The following PCDHA12 variants were observed in gnomAD, a reference collection of about 807,000 sequenced individuals.
PCDHA12 encodes protocadherin alpha-12.
Under a neutral mutation model 60.0 loss-of-function variants are expected in PCDHA12, and 44 were observed. That is an observed-to-expected ratio of 0.73 (90% CI 0.58 to 0.94). PCDHA12 has a LOEUF of 0.94. PCDHA12 is among the 40% of genes least tolerant of loss of function. The pLI is 0.00. For missense variants in PCDHA12, 1,276 were observed against 1,239.7 expected, an observed-to-expected ratio of 1.03 and a Z score of -0.44; for synonymous variants, 569 against 553.0, an observed-to-expected ratio of 1.03 and a Z score of -0.40.
intron 3 of PCDHA12, among the ~76,000 whole-genome samples, chr5:141,000,278 G>A (rs574420053): frequency 6.6e-6 from 1 of 151,194 alleles, no homozygotes; most frequent in South Asian, 2.1e-4. Flanking sequence ...GGGAGGCAGA[G>A]GTGGGAATAT....
chr5:140,928,149 T>G (rs782254175), intron 1 of PCDHA12: 3 of 1,614,194 alleles, frequency 1.9e-6, no homozygotes, highest in Non-Finnish European at 2.5e-6. Context: ...CGGCCTCAGA[T>G]AGTGGCTCAC....
intron 1 of PCDHA12, among the ~76,000 whole-genome samples, chr5:140,898,001 C>G (rs2066457062): frequency 6.6e-6 from 1 of 152,116 alleles, no homozygotes; most frequent in Non-Finnish European, 1.5e-5. Flanking sequence ...TGAGAAGTGT[C>G]TGTTCATATC....
chr5:140,977,266 A>G (rs2096753154), intron 1 of PCDHA12, among the ~76,000 whole-genome samples: 3 of 152,240 alleles, frequency 2.0e-5, no homozygotes, highest in Admixed American at 1.3e-4. Context: ...CAGATGTTAC[A>G]GTCTTTCTCA....
intron 3 of PCDHA12, among the ~76,000 whole-genome samples, chr5:140,985,402 C>T (rs1554247027): frequency 6.6e-6 from 1 of 152,118 alleles, no homozygotes; most frequent in African/African-American, 2.4e-5. Context: ...CAACTGTTCC[C>T]CTGGAAATGG....
Position 140,936,735 on chromosome 5 carries a change from A to G in PCDHA12, c.2368-42214A>G, listed in dbSNP as rs75635765. 5.4e-3 allele frequency among the ~76,000 whole-genome samples: 829 copies of G among 152,226 alleles called. 3 individuals carry two copies. The highest frequency in any genetic ancestry group is 0.019 in the African/African-American group (798 of 41,528). ...AATACATTCTGTGTTAAATATAGTA[A>G]CTTTTCATTTGTATTGATATCTAAT... On this transcript the variant is annotated intron_variant, in intron 1 of 3. Coordinates refer to ENST00000398631, the MANE Select transcript of PCDHA12 (RefSeq NM_018903.4).
intron 1 of PCDHA12, chr5:140,929,631 A>G (rs1584645197): frequency 2.6e-6 from 1 of 386,808 alleles, no homozygotes; most frequent in Non-Finnish European, 4.7e-6. Flanking sequence ...TTTATAAGCA[A>G]CAGATGTGTA....
chr5:141,005,031 A>G (rs2098194150), intron 3 of PCDHA12, among the ~76,000 whole-genome samples: 1 of 152,212 alleles, frequency 6.6e-6, no homozygotes, highest in South Asian at 2.1e-4. Context: ...ATAATTGCCC[A>G]TATGTGATAC....
At position 140,967,486 on chromosome 5, in the gene PCDHA12, G is replaced by A. The variant is rs782309199; in HGVS notation, c.2368-11463G>A. The A allele has an allele frequency of 2.5e-6, 4 of 1,612,986 alleles. No individual in the cohort carries two copies. The African/African-American group carries it at 4.0e-5, about 16-fold the overall frequency. ...GGGGCATCCCAGCCCGCTCGGGTAC[G>A]GCACAGATCTCTGTGCGTGTCCTGG... On this transcript the variant is annotated intron_variant, in intron 1 of 3. Coordinates refer to ENST00000398631, the MANE Select transcript of PCDHA12 (RefSeq NM_018903.4).
intron 1 of PCDHA12, chr5:140,927,229 C>G (rs781833160): frequency 1.2e-6 from 2 of 1,614,008 alleles, no homozygotes; most frequent in African/African-American, 1.3e-5. Context: ...GATTCGGATT[C>G]ACGTCCTGGA....
chr5:140,966,854 C>T (rs1554228784), intron 1 of PCDHA12: 2 of 1,573,744 alleles, frequency 1.3e-6, no homozygotes, highest in Admixed American at 1.8e-5. Context: ...GCCTCTCCTG[C>T]TGCTGTTGCT....
At chr5:140,882,755 G>C (rs1554175453) in intron 1 of PCDHA12, 3 of 1,614,112 alleles carry the variant, frequency 1.9e-6, no homozygotes, top group Non-Finnish European at 2.5e-6. Context: ...TGCAGATATT[G>C]GAGTAAACTC....
rs1554202548 is a variant in PCDHA12, at chr5:140,925,108, G to GGAA, written c.2367+47270_2367+47271insAAG. 5.0e-3 allele frequency among the ~76,000 whole-genome samples: 619 copies of GGAA among 124,770 alleles called. 3 individuals are homozygous for GGAA. Among genetic ancestry groups the GGAA allele is most frequent in the African/African-American group, 0.02 (595 of 30,200 alleles). The allele number at this position is 124,770 out of a possible 152,430, so 81.9% of individuals were successfully genotyped here. ...AAGGAAGGAAGGAAGGAAGGAAGGA[G>GGAA]GGAAGGAAGGAAGGAAAAAAAATTT... is the stretch of plus-strand genomic sequence containing the variant. On this transcript the variant is annotated intron_variant, in intron 1 of 3. Coordinates refer to ENST00000398631, the MANE Select transcript of PCDHA12 (RefSeq NM_018903.4).
intron 1 of PCDHA12, among the ~76,000 whole-genome samples, chr5:140,898,033 G>T (rs1293808474): frequency 2.6e-5 from 4 of 152,032 alleles, no homozygotes; most frequent in African/African-American, 9.7e-5. Flanking sequence ...TTTTGATGGG[G>T]TTGTTTGTTT....
Position 141,010,653 on chromosome 5 carries a change from A to G in PCDHA12, c.*716A>G. On this transcript the variant is annotated 3_prime_UTR_variant, in exon 4 of 4. Transcript: ENST00000398631. ...TGCAAGCCAACAGTTCAGTGTTTTA[A>G]CAGAGAACCACCCTGGGAAACAGAA... 5.9e-6 allele frequency: 1 copy of G among 170,180 alleles called. No individual in the cohort carries two copies. The highest frequency in any genetic ancestry group is 1.3e-5 in the Non-Finnish European group (1 of 78,244). 10.5% of individuals were successfully genotyped at this position (170,180 alleles called of 1,614,324 possible). A position where few individuals can be genotyped will look rare whatever the true frequency, so the allele number is the denominator to read the frequency against.
At chr5:140,905,635 A>T (rs2071990855) in intron 1 of PCDHA12, among the ~76,000 whole-genome samples, 1 of 152,206 alleles carries the variant, frequency 6.6e-6, no homozygotes, top group Non-Finnish European at 1.5e-5. Context: ...CAGTATGGTC[A>T]GTTTCACAGT....
chr5:141,006,689 G>A (rs1249412460), intron 3 of PCDHA12, among the ~76,000 whole-genome samples: 2 of 152,072 alleles, frequency 1.3e-5, no homozygotes, highest in Non-Finnish European at 2.9e-5. Context: ...TGGGAGAAGA[G>A]GACAGAGTCA....
At chr5:140,918,584 A>G (rs1296882763) in intron 1 of PCDHA12, among the ~76,000 whole-genome samples, 1 of 152,212 alleles carries the variant, frequency 6.6e-6, no homozygotes, top group Non-Finnish European at 1.5e-5. Context: ...TATTGGCTAT[A>G]TGTTCTATAG....
chr5:140,920,387 A>G (rs1163833842), intron 1 of PCDHA12, among the ~76,000 whole-genome samples: 3 of 152,098 alleles, frequency 2.0e-5, no homozygotes, highest in African/African-American at 7.2e-5. Context: ...TCATATTACC[A>G]TCTGGTGTCT....
intron 1 of PCDHA12, among the ~76,000 whole-genome samples, chr5:140,976,475 C>T (rs1160749030): frequency 1.3e-5 from 2 of 151,996 alleles, no homozygotes; most frequent in Non-Finnish European, 1.5e-5. Flanking sequence ...TGCTTGAATC[C>T]GGGAGGCAGA....
Sources: gnomAD v4.1 joint callset for allele counts (sites outside exome capture counted in the v4.1 genomes callset) on GRCh38, gnomAD v4.1.1 for gene constraint, MANE v1.5 for transcripts, NCBI Gene and HGNC (gene_info 2026-07-23, HGNC 2026-07-21) for gene names.